FBN3: variants seen among roughly 807,000 people sequenced by gnomAD.
FBN3 encodes fibrillin-3.
Under a neutral mutation model 330.1 loss-of-function variants are expected in FBN3, and 234 were observed. That is an observed-to-expected ratio of 0.71 (90% CI 0.64 to 0.79). The LOEUF is 0.79. FBN3 is among the 30% of genes least tolerant of loss of function. FBN3 has a pLI of 0.00. For missense variants in FBN3, 3,606 were observed against 3,886.9 expected, an observed-to-expected ratio of 0.93 and a Z score of 1.92; for synonymous variants, 1,458 against 1,517.3, an observed-to-expected ratio of 0.96 and a Z score of 0.91.
In FBN3 at chr19:8,094,546, G is replaced by T; in HGVS notation, c.5805C>A (p.Ser1935Arg). ...KNCVDTNECL[S>R]LAGTCLPGTC... ...TGCCGGGTAGGCAGGTTCCTGCAAGGCTGAGGCACTCATTGGTGTCTGTGA... is the reference window on the plus strand; with the variant it reads ...TGCCGGGTAGGCAGGTTCCTGCAAGTCTGAGGCACTCATTGGTGTCTGTGA... The change falls in exon 47 of 64, where the codon AGC (serine) becomes AGA (arginine). Residue 1935 changes from serine (S) to arginine (R), a missense_variant. Coordinates refer to ENST00000600128, the MANE Select transcript of FBN3 (RefSeq NM_032447.5). 1 of 1,613,800 alleles carries T rather than the reference G, an allele frequency of 6.2e-7. No homozygotes were observed. Among genetic ancestry groups the T allele is most frequent in the Non-Finnish European group, 8.5e-7 (1 of 1,179,796 alleles).
At chr19:8,146,362 C>T in intron 3 of FBN3, 137 bp from the exon 4 acceptor site, 1 of 714,098 alleles carries the variant, frequency 1.4e-6, no homozygotes, top group Non-Finnish European at 2.4e-6. Flanking sequence ...TCATAGCACA[C>T]CCCACCCCTG....
At chr19:8,084,778 A>G (rs138072164) in intron 56 of FBN3, among the ~76,000 whole-genome samples, 8,209 of 151,732 alleles carry the variant, frequency 0.054, 754 homozygotes, top group African/African-American at 0.19. Context: ...AGTAGAGATG[A>G]GGTTTCACCA....
intron 40 of FBN3, among the ~76,000 whole-genome samples, chr19:8,102,209 T>A (rs1229703728): frequency 7.3e-6 from 1 of 137,346 alleles, no homozygotes; most frequent in Non-Finnish European, 1.6e-5. Flanking sequence ...TCCTCCTTTT[T>A]TTTTATTTTT....
At chr19:8,125,588 C>T (rs182955218) in intron 22 of FBN3, among the ~76,000 whole-genome samples, 4 of 152,052 alleles carry the variant, frequency 2.6e-5, no homozygotes, top group African/African-American at 7.2e-5. Context: ...GTCAGAAGTT[C>T]GAGACCATCC....
At chr19:8,066,712 C>G (rs915917793) in intron 63 of FBN3, among the ~76,000 whole-genome samples, 33 of 152,032 alleles carry the variant, frequency 2.2e-4, no homozygotes, top group African/African-American at 8.0e-4. Flanking sequence ...AACCCAGTCG[C>G]TACTAAAAAT....
At chr19:8,134,659 C>T (rs1162611294) in intron 13 of FBN3, among the ~76,000 whole-genome samples, 2 of 152,102 alleles carry the variant, frequency 1.3e-5, no homozygotes, top group Non-Finnish European at 2.9e-5. Flanking sequence ...CATGGCCGGG[C>T]GCAATGGCTC....
Position 8,145,859 on chromosome 19 carries a change from G to T in FBN3, c.429C>A (p.Gly143=). ...ASCLCQKGYT[G]TVCGQPICDR... ...GATACTCACGCTGCCCACACACGGT[G>T]CCTGTGTAGCCCTTCTGACACAGAC... Residue 143 remains glycine, a synonymous_variant, in exon 5 of 64, where the codon GGC becomes GGA. Coordinates refer to ENST00000600128, the MANE Select transcript of FBN3 (RefSeq NM_032447.5). The T allele has an allele frequency of 1.3e-6, 2 of 1,550,762 alleles. No homozygotes were observed. The highest frequency in any genetic ancestry group is 1.2e-5 in the South Asian group (1 of 84,042).
chr19:8,090,128 G>T lies in FBN3; in HGVS notation c.6155C>A (p.Pro2052His). Residue 2052 changes from proline to histidine, a missense_variant, in exon 49 of 64, where the codon CCC becomes CAC. Pro to His is a moderately conservative substitution (Grantham distance 77, BLOSUM62 -2). Coordinates refer to ENST00000600128, the MANE Select transcript of FBN3 (RefSeq NM_032447.5). ...GCCCTCCTGGGGACACAGTTCGCAG[G>T]GGTCTCCCCAGCCCTCCCCAGGCCT... ...SKRPGEGWGD[P>H]CELCPQEGSA... 6.2e-7 allele frequency: 1 copy of T among 1,614,004 alleles called. No individual in the cohort carries two copies. The highest frequency in any genetic ancestry group is 1.1e-5 in the South Asian group (1 of 91,080).
chr19:8,087,795 A>G lies in FBN3; in HGVS notation c.6619+30T>C, dbSNP rs112906903. On this transcript the variant is annotated intron_variant, in intron 53 of 63. Transcript: ENST00000600128. The stretch of plus-strand genomic sequence containing the variant: ...AGCTAATTTTGTATTTTTAGTAGAG[A>G]CAGGGTTTTACCATATTAGTCAGGC... 2.9e-3 allele frequency: 4,545 copies of G among 1,593,596 alleles called. 126 individuals carry two copies. In the African/African-American group the frequency reaches 0.055, roughly 19 times the overall value.
At chr19:8,118,688 CACAA>C (rs1212717320) in intron 26 of FBN3, among the ~76,000 whole-genome samples, 7 of 152,150 alleles carry the variant, frequency 4.6e-5, no homozygotes, top group African/African-American at 7.2e-5. Flanking sequence ...CATCTAGACA[CACAA>C]ACACACTCCC....
At position 8,117,037 on chromosome 19, in the gene FBN3, G is replaced by T. The variant is rs187584882; in HGVS notation, c.3586+132C>A. The T allele has an allele frequency of 1.4e-5, 20 of 1,395,854 alleles. No homozygotes were observed. The Admixed American group carries it at 1.6e-4, about 11-fold the overall frequency. 86.5% of individuals were successfully genotyped at this position (1,395,854 alleles called of 1,614,324 possible). A position where few individuals can be genotyped will look rare whatever the true frequency, so the allele number is the denominator to read the frequency against. ...AGCCTGCCTGGGGCCAGGACCACAG[G>T]CCAGGCAGGGGGTGCCTCGGGTCTG... On this transcript the variant is annotated intron_variant, in intron 28 of 63. Coordinates refer to ENST00000600128, the MANE Select transcript of FBN3 (RefSeq NM_032447.5).
intron 18 of FBN3, among the ~76,000 whole-genome samples, chr19:8,127,055 T>TTTG (rs1555748564): frequency 3.6e-5 from 4 of 110,872 alleles, no homozygotes; most frequent in African/African-American, 1.1e-4. Flanking sequence ...ACTGTTTTTT[T>TTTG]TTTGTTTTTT....
intron 13 of FBN3, 25 bp downstream of exon 13, chr19:8,135,936 G>GAAC: frequency 1.5e-6 from 1 of 668,778 alleles, no homozygotes; most frequent in Non-Finnish European, 2.4e-6. Context: ...GGAAGCCCCT[G>GAAC]CCCACCCGCC....
At position 8,073,466 on chromosome 19, in the gene FBN3, C is replaced by T. The variant is rs979865910; in HGVS notation, c.7703-169G>A. ...TGAGACTAGATCGGCCCCATAGCCC[C>T]GCTGCCCCAAACCCTGTGGTTCTCC... is the stretch of plus-strand genomic sequence containing the variant. On this transcript the variant is annotated intron_variant, in intron 61 of 63. Transcript: ENST00000600128. 5.3e-5 allele frequency among the ~76,000 whole-genome samples: 8 copies of T among 152,322 alleles called. No homozygotes were observed. The East Asian group carries it at 9.6e-4, about 18-fold the overall frequency.
intron 28 of FBN3, 65 bp downstream of exon 28, chr19:8,117,104 G>C: frequency 6.3e-7 from 1 of 1,598,022 alleles, no homozygotes; most frequent in Non-Finnish European, 8.5e-7. Flanking sequence ...GCCAGTGCAG[G>C]ACCCAGCCAA....
chr19:8,110,609 G>A (rs141438657), intron 34 of FBN3, among the ~76,000 whole-genome samples: 7 of 152,338 alleles, frequency 4.6e-5, no homozygotes, highest in Admixed American at 3.9e-4. Flanking sequence ...ACACACAGAG[G>A]TAGGAGACCC....
chr19:8,115,785 C>T (rs1249794296), intron 29 of FBN3, 145 bp from the exon 30 acceptor site: 12 of 936,258 alleles, frequency 1.3e-5, no homozygotes, highest in Non-Finnish European at 1.9e-5. Flanking sequence ...TTCTTTTCTC[C>T]AGGGGCGGGG....
At chr19:8,135,935 T>TTGGGGGGGGGGGGGGGGGGCGCG in intron 13 of FBN3, 26 bp downstream of exon 13, 1 of 1,344,156 alleles carries the variant, frequency 7.4e-7, no homozygotes, top group Non-Finnish European at 1.0e-6. Context: ...CGGAAGCCCC[T>TTGGGGGGGGGGGGGGGGGGCGCG]GCCCACCCGC....
intron 52 of FBN3, 45 bp from the exon 53 acceptor site, chr19:8,087,992 G>A (rs766257493): frequency 1.4e-5 from 22 of 1,614,052 alleles, no homozygotes; most frequent in East Asian, 1.1e-4. Flanking sequence ...GACTGAGGGC[G>A]GGACCTCCAC....
Sources: gnomAD v4.1 joint callset for allele counts (sites outside exome capture counted in the v4.1 genomes callset) on GRCh38, gnomAD v4.1.1 for gene constraint, MANE v1.5 for transcripts, NCBI Gene and HGNC (gene_info 2026-07-23, HGNC 2026-07-21) for gene names.